The following RFX3 variants were observed in gnomAD, a reference collection of about 807,000 sequenced individuals.
RFX3 encodes transcription factor RFX3.
Under a neutral mutation model 98.6 loss-of-function variants are expected in RFX3, and 14 were observed. That is an observed-to-expected ratio of 0.14 (90% confidence interval 0.09 to 0.22). The LOEUF is 0.22. Among genes scored for constraint, RFX3 ranks in the 10% least tolerant of loss-of-function variants. RFX3 has a pLI of 1.00. For synonymous variants in RFX3, 383 were observed against 328.4 expected (o/e 1.17, Z -1.80); for missense variants, 639 against 926.9 (o/e 0.69, Z 4.03).
intron 7 of RFX3, among the ~76,000 whole-genome samples, chr9:3,284,378 A>G (rs1345361081): frequency 2.0e-5 from 3 of 151,786 alleles, no homozygotes; most frequent in Non-Finnish European, 4.4e-5. Flanking sequence ...AAATTAGGGT[A>G]AACAAATTAG....
At chr9:3,277,953 C>T (rs1325957092) in intron 7 of RFX3, among the ~76,000 whole-genome samples, 2 of 151,928 alleles carry the variant, frequency 1.3e-5, no homozygotes, top group South Asian at 2.1e-4. Flanking sequence ...TAGAACCTTT[C>T]GTGCATCTCA....
intron 8 of RFX3, among the ~76,000 whole-genome samples, chr9:3,276,119 C>T (rs556368043): frequency 6.6e-6 from 1 of 152,196 alleles, no homozygotes; most frequent in Admixed American, 6.6e-5. Context: ...TGCTCTTGTC[C>T]TGTAACTAAG....
intron 1 of RFX3, among the ~76,000 whole-genome samples, chr9:3,396,268 C>G (rs912642416): frequency 1.3e-5 from 2 of 152,006 alleles, no homozygotes; most frequent in African/African-American, 4.8e-5. Flanking sequence ...TCAATTCCCA[C>G]CTATGAGTGA....
chr9:3,312,213 T>C (rs1830040770), intron 4 of RFX3, among the ~76,000 whole-genome samples: 1 of 152,220 alleles, frequency 6.6e-6, no homozygotes, highest in Non-Finnish European at 1.5e-5. Context: ...TGTTTGTATG[T>C]AGATGTGCAC....
At chr9:3,275,706 C>T in intron 8 of RFX3, 94 bp from the exon 9 acceptor site, 1 of 661,918 alleles carries the variant, frequency 1.5e-6, no homozygotes, top group Non-Finnish European at 2.5e-6. Flanking sequence ...AAAAGAAAAA[C>T]AAATTTTAAA....
At chr9:3,363,849 G>A (rs933642879) in intron 2 of RFX3, among the ~76,000 whole-genome samples, 4 of 152,182 alleles carry the variant, frequency 2.6e-5, no homozygotes, top group African/African-American at 4.8e-5. Flanking sequence ...AAGACATTAA[G>A]TAACAATAAA....
chr9:3,249,611 T>C (rs1451246499), intron 14 of RFX3, among the ~76,000 whole-genome samples: 1 of 152,150 alleles, frequency 6.6e-6, no homozygotes, highest in Non-Finnish European at 1.5e-5. Flanking sequence ...AGAATAGCAA[T>C]TATTATATGA....
intron 4 of RFX3, among the ~76,000 whole-genome samples, chr9:3,316,361 T>C (rs996002719): frequency 6.6e-6 from 1 of 150,852 alleles, no homozygotes; most frequent in Non-Finnish European, 1.5e-5. Flanking sequence ...AACTAGGTAT[T>C]GATGGGACGT....
At chr9:3,316,570 A>T (rs573072987) in intron 4 of RFX3, among the ~76,000 whole-genome samples, 46 of 152,292 alleles carry the variant, frequency 3.0e-4, no homozygotes, top group African/African-American at 1.1e-3. Context: ...CAATTAGGAA[A>T]AGAGGAAGTC....
intron 2 of RFX3, among the ~76,000 whole-genome samples, chr9:3,350,699 C>A (rs1451728881): frequency 1.3e-5 from 2 of 152,008 alleles, no homozygotes. Context: ...ATAAACTGCA[C>A]TACACATCAA....
At chr9:3,411,716 C>G (rs1311533103) in intron 1 of RFX3, among the ~76,000 whole-genome samples, 1 of 151,602 alleles carries the variant, frequency 6.6e-6, no homozygotes, top group Non-Finnish European at 1.5e-5. Flanking sequence ...GTCTAGAACT[C>G]TGGACCTAAA....
intron 3 of RFX3, among the ~76,000 whole-genome samples, chr9:3,333,271 A>G (rs1832797639): frequency 6.6e-6 from 1 of 152,194 alleles, no homozygotes; most frequent in Non-Finnish European, 1.5e-5. Flanking sequence ...CTTTTAATCC[A>G]TTATAAATTA....
intron 1 of RFX3, among the ~76,000 whole-genome samples, chr9:3,448,661 G>T (rs946844184): frequency 2.6e-5 from 4 of 152,170 alleles, no homozygotes; most frequent in Non-Finnish European, 4.4e-5. Flanking sequence ...TAGGACTACA[G>T]ATGCATTCTA....
chr9:3,270,347 C>T (rs538013923), intron 11 of RFX3, 24 bp downstream of exon 11: 8 of 1,596,592 alleles, frequency 5.0e-6, no homozygotes, highest in Non-Finnish European at 2.6e-6. Flanking sequence ...CAAAAGCATC[C>T]GTACTCGTCT....
At chr9:3,404,123 T>C (rs538078729) in intron 1 of RFX3, among the ~76,000 whole-genome samples, 1 of 152,276 alleles carries the variant, frequency 6.6e-6, no homozygotes, top group South Asian at 2.1e-4. Context: ...AAATGTACAA[T>C]ATCTTAAAGA....
At chr9:3,406,446 A>G (rs1429187558) in intron 1 of RFX3, among the ~76,000 whole-genome samples, 1 of 151,902 alleles carries the variant, frequency 6.6e-6, no homozygotes, top group Non-Finnish European at 1.5e-5. Context: ...TCCTCCTGGT[A>G]TTCCTATAGC....
intron 4 of RFX3, among the ~76,000 whole-genome samples, chr9:3,303,009 T>C (rs1023043084): frequency 1.1e-4 from 16 of 151,814 alleles, no homozygotes; most frequent in African/African-American, 3.9e-4. Flanking sequence ...AATTAATTCA[T>C]AGGAAGATGT....
At chr9:3,318,159 T>C (rs964106187) in intron 4 of RFX3, among the ~76,000 whole-genome samples, 1 of 152,216 alleles carries the variant, frequency 6.6e-6, no homozygotes, top group Non-Finnish European at 1.5e-5. Context: ...TAAGAAAATG[T>C]GGCACATATA....
intron 16 of RFX3, 72 bp downstream of exon 16, chr9:3,228,775 A>G (rs1818096533): frequency 5.6e-6 from 7 of 1,248,842 alleles, no homozygotes; most frequent in South Asian, 2.7e-5. Context: ...GTAAACATAT[A>G]CCGTATTTTC....
Sources: gnomAD v4.1 joint callset for allele counts (sites outside exome capture counted in the v4.1 genomes callset) on GRCh38, gnomAD v4.1.1 for gene constraint, MANE v1.5 for transcripts, NCBI Gene and HGNC (gene_info 2026-07-23, HGNC 2026-07-21) for gene names.